Variants in PI4KA observed in about 807,000 individuals in gnomAD.
PI4KA encodes the protein phosphatidylinositol 4-kinase alpha.
Under a neutral mutation model 271.4 loss-of-function variants are expected in PI4KA, and 122 were observed. The ratio of observed to expected loss-of-function variants is 0.45; its 90% CI spans 0.39 to 0.52. The LOEUF (loss-of-function observed/expected upper bound fraction) is 0.52, where lower values mean the gene tolerates loss of function less well. Ranked by LOEUF, PI4KA falls within the 20% of genes least tolerant of loss-of-function variation. The pLI, the probability that PI4KA is intolerant of heterozygous loss-of-function variation, is 0.00. For synonymous variants in PI4KA, 1,041 were observed against 1,078.8 expected (o/e 0.96, Z 0.69); for missense variants, 1,969 against 2,769.1 (o/e 0.71, Z 6.48).
In PI4KA at chr22:20,713,195, A is replaced by C. The variant is rs529173232; in HGVS notation, c.5571+86T>G. The C allele has an allele frequency of 1.2e-5, 11 of 945,772 alleles. No individual in the cohort carries two copies. The East Asian group carries it at 2.6e-4, about 22-fold the overall frequency. The allele number at this position is 945,772 out of a possible 1,614,324, so 58.6% of individuals were successfully genotyped here. ...AGAAGGAAAAGATTCACATTTCTGC[A>C]TATGAGATTGGACTCTGGCGGGCCT... On this transcript the variant is annotated intron_variant, in intron 48 of 54. Coordinates refer to ENST00000255882, the MANE Select transcript of PI4KA (RefSeq NM_058004.4).
chr22:20,728,270 TA>T (rs1209668636), intron 39 of PI4KA, among the ~76,000 whole-genome samples: 1 of 152,094 alleles, frequency 6.6e-6, no homozygotes, highest in Non-Finnish European at 1.5e-5. Context: ...AAAGTTTAAA[TA>T]AAAAAATGTT....
At chr22:20,853,749 G>A (rs1352803031) in intron 1 of PI4KA, among the ~76,000 whole-genome samples, 2 of 152,068 alleles carry the variant, frequency 1.3e-5, no homozygotes, top group Non-Finnish European at 2.9e-5. Context: ...CATGGCAGGA[G>A]TCTAGTCACC....
chr22:20,795,795 C>T (rs1036970943), intron 18 of PI4KA, among the ~76,000 whole-genome samples: 1 of 152,010 alleles, frequency 6.6e-6, no homozygotes, highest in Non-Finnish European at 1.5e-5. Context: ...GATGATGGGC[C>T]CTTAAAGTCC....
intron 4 of PI4KA, among the ~76,000 whole-genome samples, chr22:20,823,901 C>T (rs968291298): frequency 9.9e-5 from 15 of 152,248 alleles, no homozygotes; most frequent in African/African-American, 3.6e-4. Flanking sequence ...GATTGCACCA[C>T]TGCACTCCAG....
At chr22:20,806,044 G>A (rs1184339946) in intron 10 of PI4KA, among the ~76,000 whole-genome samples, 3 of 152,096 alleles carry the variant, frequency 2.0e-5, no homozygotes. Context: ...ACACACAGCA[G>A]GGGTGGTGGG....
At chr22:20,735,009 C>T (rs1287428144) in intron 32 of PI4KA, among the ~76,000 whole-genome samples, 1 of 152,178 alleles carries the variant, frequency 6.6e-6, no homozygotes, top group African/African-American at 2.4e-5. Context: ...CTGATGCCTT[C>T]ATCCCGCTAA....
Position 20,732,914 on chromosome 22 carries a change from C to T in PI4KA, c.4288+57G>A, listed in dbSNP as rs148370835. ...CCTCTGGCACCCTCGGGGCAGCCCA[C>T]GTGGCACCCCTGTCCTGCCTGCCTC... On this transcript the variant is annotated intron_variant, in intron 36 of 54. Transcript: ENST00000255882. The T allele has an allele frequency of 8.8e-5, 141 of 1,606,670 alleles. No individual in the cohort carries two copies. In the Admixed American group the frequency reaches 1.1e-3, roughly 13 times the overall value.
intron 19 of PI4KA, chr22:20,787,480 T>C (rs1934344564): frequency 3.2e-6 from 1 of 315,700 alleles, no homozygotes; most frequent in African/African-American, 2.2e-5. Flanking sequence ...ACTAATTCCT[T>C]ACCTCTCCCA....
Position 20,718,685 on chromosome 22 carries a change from G to A in PI4KA, c.5246+8C>T. On this transcript the variant is annotated splice_region_variant and intron_variant, in intron 44 of 54. Coordinates refer to ENST00000255882, the MANE Select transcript of PI4KA (RefSeq NM_058004.4). The stretch of plus-strand genomic sequence containing the variant: ...CCCAGAAGGTGGTTTCTGAAGCACT[G>A]CACTTACTTGATGATAGCCGACACG... The A allele has an allele frequency of 1.9e-6, 3 of 1,612,938 alleles. No individual in the cohort carries two copies. Among genetic ancestry groups the A allele is most frequent in the Non-Finnish European group, 2.5e-6 (3 of 1,179,784 alleles).
intron 3 of PI4KA, among the ~76,000 whole-genome samples, chr22:20,833,473 G>A (rs1015254664): frequency 1.4e-4 from 22 of 152,114 alleles, no homozygotes; most frequent in African/African-American, 3.9e-4. Context: ...GTGCACGGCC[G>A]CTGGGGTCTG....
At chr22:20,763,351 C>G (rs111346757) in intron 22 of PI4KA, among the ~76,000 whole-genome samples, 10,441 of 151,990 alleles carry the variant, frequency 0.069, 347 homozygotes, top group East Asian at 0.08. Context: ...ACCTCAGGAT[C>G]TGCCTGCCTC....
At chr22:20,849,941 A>G (rs1361225036) in intron 1 of PI4KA, among the ~76,000 whole-genome samples, 1 of 152,210 alleles carries the variant, frequency 6.6e-6, no homozygotes, top group Non-Finnish European at 1.5e-5. Flanking sequence ...ATAAATCTAC[A>G]GAGACAGAAA....
chr22:20,802,021 G>C lies in PI4KA; in HGVS notation c.1676C>G (p.Pro559Arg). The C allele has an allele frequency of 6.2e-7, 1 of 1,614,136 alleles. No individual in the cohort carries two copies. The highest frequency in any genetic ancestry group is 8.5e-7 in the Non-Finnish European group (1 of 1,180,008). The change falls in exon 14 of 55, where the codon CCC becomes CGC. Residue 559 changes from proline (P) to arginine (R), a missense_variant. Physicochemically the swap from Pro to Arg is moderately radical, Grantham distance 103 (BLOSUM62 -2). Coordinates refer to ENST00000255882, the MANE Select transcript of PI4KA (RefSeq NM_058004.4). ...LNVMSGKKSQ[P>R]SMYEQLRDIA... ...GTCTCGGAGCTGCTCGTACATGGAGGGCTGGCTCTTCTTACCCGACATGAC... is the reference window on the plus strand; with the variant it reads ...GTCTCGGAGCTGCTCGTACATGGAGCGCTGGCTCTTCTTACCCGACATGAC...
chr22:20,778,121 A>G (rs1196436302), intron 19 of PI4KA, among the ~76,000 whole-genome samples: 1 of 152,154 alleles, frequency 6.6e-6, no homozygotes, highest in Non-Finnish European at 1.5e-5. Flanking sequence ...GCAGCAAGTG[A>G]TATCACCTCT....
Position 20,729,687 on chromosome 22 carries a change from C to A in PI4KA, c.4433G>T (p.Gly1478Val). Residue 1478 changes from glycine (G) to valine (V), a missense_variant, in exon 38 of 55, where the codon GGC (glycine) becomes GTC (valine). By Grantham distance (109) the Gly-to-Val change is moderately radical (BLOSUM62 -3). Coordinates refer to ENST00000255882, the MANE Select transcript of PI4KA (RefSeq NM_058004.4). ...KSGMSKKTNRGSQLHKYYMKR... is the reference protein window; with the variant it reads ...KSGMSKKTNRVSQLHKYYMKR... ...CATGTAGTATTTGTGCAGCTGGGAG[C>A]CCCGGTTGGTTTTCTTAGACATGCC... 1 of 1,590,542 alleles carries A rather than the reference C, an allele frequency of 6.3e-7. No homozygotes were observed. The highest frequency in any genetic ancestry group is 8.6e-7 in the Non-Finnish European group (1 of 1,166,620).
At chr22:20,841,955 C>T (rs529754792) in intron 1 of PI4KA, among the ~76,000 whole-genome samples, 1 of 152,182 alleles carries the variant, frequency 6.6e-6, no homozygotes, top group African/African-American at 2.4e-5. Flanking sequence ...GTGGCTCATA[C>T]CTGTAATTCC....
At chr22:20,742,956 G>T (rs1404959439) in intron 30 of PI4KA, 192 bp from the exon 31 acceptor site, 2 of 574,810 alleles carry the variant, frequency 3.5e-6, no homozygotes, top group Admixed American at 6.1e-5. Flanking sequence ...TTTTTTTAAA[G>T]AACAGCTCCT....
chr22:20,792,875 G>T (rs1039007803), intron 19 of PI4KA, among the ~76,000 whole-genome samples: 2 of 152,230 alleles, frequency 1.3e-5, no homozygotes, highest in Non-Finnish European at 2.9e-5. Flanking sequence ...TCAGTCACAA[G>T]GGCATGAGAC....
intron 3 of PI4KA, among the ~76,000 whole-genome samples, chr22:20,824,712 C>T (rs994063882): frequency 1.3e-5 from 2 of 149,606 alleles, no homozygotes; most frequent in Non-Finnish European, 3.0e-5. Context: ...ATTTTTTATT[C>T]CCTAAGTAAA....
Sources: allele counts gnomAD v4.1 joint callset (sites outside exome capture counted in the v4.1 genomes callset), GRCh38; gene constraint gnomAD v4.1.1; transcripts MANE v1.5; gene names NCBI Gene and HGNC (gene_info 2026-07-23, HGNC 2026-07-21).